The following ANK3 variants were observed in gnomAD, a reference collection of about 807,000 sequenced individuals.
ANK3 encodes ankyrin-3.
A neutral mutation model predicts 370.9 loss-of-function variants in ANK3; 57 were observed. The ratio of observed to expected loss-of-function variants is 0.15; its 90% CI spans 0.12 to 0.19. The LOEUF is 0.19. ANK3 is among the 10% of genes least tolerant of loss of function. ANK3 has a pLI of 1.00. For synonymous variants in ANK3, 1,929 were observed against 1,946.3 expected (o/e 0.99, Z 0.23); for missense variants, 4,439 against 5,302.1 (o/e 0.84, Z 5.06).
At chr10:60,698,783 A>C (rs1331575591) in intron 1 of ANK3, among the ~76,000 whole-genome samples, 2 of 147,784 alleles carry the variant, frequency 1.4e-5, no homozygotes, top group Non-Finnish European at 3.0e-5. Flanking sequence ...GGATAGCATT[A>C]GGAGATATAC....
At chr10:60,231,444 T>C (rs978034032) in intron 8 of ANK3, among the ~76,000 whole-genome samples, 2 of 152,166 alleles carry the variant, frequency 1.3e-5, no homozygotes, top group Non-Finnish European at 2.9e-5. Flanking sequence ...ATCAGATTTA[T>C]TGAATGCAAG....
intron 2 of ANK3, among the ~76,000 whole-genome samples, chr10:60,591,722 A>C (rs2077917655): frequency 6.6e-6 from 1 of 152,212 alleles, no homozygotes; most frequent in Admixed American, 6.5e-5. Context: ...ATACATATAC[A>C]CAATGGAGTA....
chr10:60,199,991 G>A, intron 13 of ANK3, 138 bp downstream of exon 13: 3 of 633,058 alleles, frequency 4.7e-6, no homozygotes, highest in Non-Finnish European at 8.3e-6. Context: ...AATGTTACTT[G>A]GGTAGGGACT....
chr10:60,113,163 C>T (rs1292769184), intron 26 of ANK3, among the ~76,000 whole-genome samples: 2 of 151,926 alleles, frequency 1.3e-5, no homozygotes, highest in East Asian at 3.9e-4. Context: ...GGTTTTTAAC[C>T]ACAGCACTTC....
intron 2 of ANK3, among the ~76,000 whole-genome samples, chr10:60,429,429 T>C (rs1327693320): frequency 1.3e-5 from 2 of 152,182 alleles, no homozygotes; most frequent in Non-Finnish European, 2.9e-5. Flanking sequence ...AAATAGGTAC[T>C]CTTACCCCAA....
At chr10:60,647,605 TA>T (rs34081842) in intron 1 of ANK3, among the ~76,000 whole-genome samples, 97 of 144,790 alleles carry the variant, frequency 6.7e-4, no homozygotes, top group African/African-American at 1.4e-3. Flanking sequence ...CTAAAAACAG[TA>T]AAAAAAAAAA....
intron 1 of ANK3, among the ~76,000 whole-genome samples, chr10:60,351,484 T>C (rs2056859628): frequency 6.6e-6 from 1 of 152,210 alleles, no homozygotes; most frequent in African/African-American, 2.4e-5. Flanking sequence ...TTCAGTGCTA[T>C]CACAGACTGC....
chr10:60,139,154 T>C (rs1452280061), intron 23 of ANK3, 67 bp from the exon 24 acceptor site: 2 of 1,575,074 alleles, frequency 1.3e-6, no homozygotes, highest in African/African-American at 2.7e-5. Flanking sequence ...GTGGAGAAAA[T>C]CACTCCTTTG....
At chr10:60,587,692 T>C (rs1211475922) in intron 2 of ANK3, among the ~76,000 whole-genome samples, 1 of 152,152 alleles carries the variant, frequency 6.6e-6, no homozygotes, top group Non-Finnish European at 1.5e-5. Context: ...AATAATACTT[T>C]AAAAAATACC....
At chr10:60,701,096 T>C (rs2079539756) in intron 1 of ANK3, among the ~76,000 whole-genome samples, 1 of 151,890 alleles carries the variant, frequency 6.6e-6, no homozygotes, top group Admixed American at 6.6e-5. Context: ...TTTAAAATGG[T>C]CTAAAGAAAC....
chr10:60,076,491 CA>C (rs1564839198), intron 36 of ANK3, 43 bp from the exon 37 acceptor site: 42 of 1,520,766 alleles, frequency 2.8e-5, no homozygotes, highest in Non-Finnish European at 3.4e-5. Flanking sequence ...CAAAAATCAA[CA>C]AAAATGGTTG....
intron 1 of ANK3, among the ~76,000 whole-genome samples, chr10:60,667,215 A>G (rs533816473): frequency 0.064 from 7,861 of 122,024 alleles, 296 homozygotes; most frequent in African/African-American, 0.12. Context: ...ATATTATATT[A>G]TATTAATTAT....
intron 23 of ANK3, among the ~76,000 whole-genome samples, chr10:60,157,884 AAAAGAGAGAGAGAG>A (rs2095384382): frequency 1.1e-5 from 1 of 88,214 alleles, no homozygotes; most frequent in African/African-American, 4.1e-5. Flanking sequence ...GAGAGAGAGA[AAAAGAGAGAGAGAG>A]AGAGAGAGAG....
At chr10:60,632,458 C>T (rs1392787967) in intron 1 of ANK3, among the ~76,000 whole-genome samples, 1 of 152,046 alleles carries the variant, frequency 6.6e-6, no homozygotes, top group African/African-American at 2.4e-5. Flanking sequence ...TTTAAAACTA[C>T]TTATTCTTGC....
intron 2 of ANK3, among the ~76,000 whole-genome samples, chr10:60,490,287 T>C (rs762882568): frequency 6.6e-6 from 1 of 152,216 alleles, no homozygotes; most frequent in Non-Finnish European, 1.5e-5. Flanking sequence ...TCTCAGGGTC[T>C]TTCCCAGTCC....
chr10:60,538,896 A>G (rs942696928), intron 2 of ANK3, among the ~76,000 whole-genome samples: 1 of 151,948 alleles, frequency 6.6e-6, no homozygotes, highest in Non-Finnish European at 1.5e-5. Context: ...CTTCTAATGA[A>G]AATATTTAGC....
chr10:60,339,742 G>A (rs1164661831), intron 1 of ANK3, among the ~76,000 whole-genome samples: 1 of 152,118 alleles, frequency 6.6e-6, no homozygotes, highest in East Asian at 1.9e-4. Flanking sequence ...GAGGCTTTTG[G>A]TGAACAGAAA....
chr10:60,646,728 A>G (rs1391895033), intron 1 of ANK3, among the ~76,000 whole-genome samples: 1 of 152,200 alleles, frequency 6.6e-6, no homozygotes, highest in East Asian at 1.9e-4. Flanking sequence ...AAGAGGAGGA[A>G]TTTAATGACT....
chr10:60,247,179 C>G (rs573810575), intron 7 of ANK3, among the ~76,000 whole-genome samples: 6 of 152,060 alleles, frequency 3.9e-5, no homozygotes, highest in Non-Finnish European at 8.8e-5. Context: ...CCACGCCCAG[C>G]TAATTTTTTT....
Sources: gnomAD v4.1 joint callset for allele counts (sites outside exome capture counted in the v4.1 genomes callset) on GRCh38, gnomAD v4.1.1 for gene constraint, MANE v1.5 for transcripts, NCBI Gene and HGNC (gene_info 2026-07-23, HGNC 2026-07-21) for gene names.